Variants in LAMA1 observed in about 807,000 individuals in gnomAD.
LAMA1 encodes laminin subunit alpha-1.
In LAMA1, 219 loss-of-function variants were observed where a neutral mutation model predicts 348.7. The observed-to-expected ratio is 0.63, with a 90% confidence interval of 0.56 to 0.70. The LOEUF is 0.70. Ranked by LOEUF, LAMA1 falls within the 30% of genes least tolerant of loss-of-function variation. The pLI, the probability that LAMA1 is intolerant of heterozygous loss-of-function variation, is 0.00. For missense variants in LAMA1, 3,744 were observed against 3,888.0 expected (o/e 0.96, Z 0.99); for synonymous variants, 1,487 against 1,491.0 (o/e 1.00, Z 0.06).
At chr18:7,078,463 GCTCTTTT>G (rs1203693013) in intron 3 of LAMA1, among the ~76,000 whole-genome samples, 1 of 152,036 alleles carries the variant, frequency 6.6e-6, no homozygotes, top group East Asian at 2.0e-4. Context: ...ACCGCACCTG[GCTCTTTT>G]CTCTTTTTCT....
intron 20 of LAMA1, 80 bp from the exon 21 acceptor site, chr18:7,016,751 A>C: frequency 3.2e-6 from 4 of 1,232,526 alleles, no homozygotes; most frequent in Non-Finnish European, 4.5e-6. Context: ...GTTCCAGAAC[A>C]CACACAGGGT....
intron 37 of LAMA1, 80 bp from the exon 38 acceptor site, chr18:6,985,723 G>C: frequency 2.3e-6 from 2 of 858,486 alleles, no homozygotes; most frequent in Non-Finnish European, 4.0e-6. Flanking sequence ...GCTACGTGCA[G>C]AAGTTAGTGC....
At chr18:7,055,062 G>C (rs74626100) in intron 3 of LAMA1, among the ~76,000 whole-genome samples, 5 of 151,770 alleles carry the variant, frequency 3.3e-5, no homozygotes, top group African/African-American at 1.2e-4. Flanking sequence ...TGGATTTTTT[G>C]ACTGCCTTGG....
chr18:7,113,614 C>T (rs970125590), intron 1 of LAMA1, among the ~76,000 whole-genome samples: 13 of 152,020 alleles, frequency 8.6e-5, no homozygotes, highest in African/African-American at 2.7e-4. Context: ...AGAGTAGGAG[C>T]GGTTATCGAG....
chr18:7,083,824 A>C (rs1271499742), intron 1 of LAMA1, among the ~76,000 whole-genome samples: 1 of 152,096 alleles, frequency 6.6e-6, no homozygotes, highest in Non-Finnish European at 1.5e-5. Context: ...TAATCCCAGC[A>C]CTTCGGGAGG....
Position 7,012,070 on chromosome 18 carries a change from G to C in LAMA1, c.3432C>G (p.Pro1144=), listed in dbSNP as rs753520928. 1.2e-6 allele frequency: 2 copies of C among 1,613,044 alleles called. No homozygotes were observed. The highest frequency in any genetic ancestry group is 1.7e-6 in the Non-Finnish European group (2 of 1,179,562). The change falls in exon 24 of 63, where the codon CCC becomes CCG. Residue 1144 remains proline (P), a synonymous_variant. Coordinates refer to ENST00000389658, the MANE Select transcript of LAMA1 (RefSeq NM_005559.4). ...EGTFALRADN[P]LGCSPCFCSG... ...AGCAGAAGCACGGGCTGCAGCCCAG[G>C]GGGTTGTCTGCGCGGAGAGCGAAGG...
rs1016002616 is a variant in LAMA1, at chr18:6,941,829, C to T, written c.*250G>A. ...ACTATCAAGTAATCAACAGAACATT[C>T]AATGTGTATAAAGATTTTTTTAAAA... On this transcript the variant is annotated 3_prime_UTR_variant, in exon 63 of 63. Coordinates refer to ENST00000389658, the MANE Select transcript of LAMA1 (RefSeq NM_005559.4). The T allele has an allele frequency of 4.0e-6, 2 of 495,084 alleles. No individual in the cohort carries two copies. Among genetic ancestry groups the T allele is most frequent in the Non-Finnish European group, 7.3e-6 (2 of 274,282 alleles). 30.7% of individuals were successfully genotyped at this position (495,084 alleles called of 1,614,324 possible). A position where few individuals can be genotyped will look rare whatever the true frequency, so the allele number is the denominator to read the frequency against.
At chr18:7,000,244 A>G (rs1324194957) in intron 30 of LAMA1, among the ~76,000 whole-genome samples, 1 of 152,270 alleles carries the variant, frequency 6.6e-6, no homozygotes, top group Non-Finnish European at 1.5e-5. Flanking sequence ...GTGAATGTTA[A>G]GTGGAAGAAG....
chr18:7,056,588 A>G (rs1179785802), intron 3 of LAMA1, among the ~76,000 whole-genome samples: 1 of 152,182 alleles, frequency 6.6e-6, no homozygotes, highest in African/African-American at 2.4e-5. Flanking sequence ...AGAGCCCTTC[A>G]GCCACCCTGC....
chr18:7,035,359 C>G (rs1444186754), intron 13 of LAMA1, among the ~76,000 whole-genome samples: 4 of 152,090 alleles, frequency 2.6e-5, no homozygotes, highest in Non-Finnish European at 5.9e-5. Flanking sequence ...CAAAGTGGCA[C>G]AGGGAAGAAG....
At chr18:6,975,254 C>T (rs950098307) in intron 45 of LAMA1, among the ~76,000 whole-genome samples, 6 of 152,306 alleles carry the variant, frequency 3.9e-5, no homozygotes, top group Admixed American at 1.3e-4. Flanking sequence ...CGCCTCCCTG[C>T]GTGCCTGGCA....
rs531498406 is a variant in LAMA1, at chr18:7,037,574, G to C, written c.1737+4C>G. 1.9e-6 allele frequency: 3 copies of C among 1,613,714 alleles called. No individual in the cohort carries two copies. Among genetic ancestry groups the C allele is most frequent in the South Asian group, 2.2e-5 (2 of 91,048 alleles). ...GACATCGCTACCTGCAGGGTCACACGCACCTTATTTCCAAGGTAGGCCTCG... is the reference window on the plus strand; with the variant it reads ...GACATCGCTACCTGCAGGGTCACACCCACCTTATTTCCAAGGTAGGCCTCG... On this transcript the variant is annotated splice_donor_region_variant and intron_variant, in intron 12 of 62. Transcript: ENST00000389658.
At chr18:7,038,517 A>G in intron 11 of LAMA1, 1 of 447,596 alleles carries the variant, frequency 2.2e-6, no homozygotes, top group South Asian at 2.1e-5. Context: ...GCGGAGGGAG[A>G]GCCGACCTCC....
chr18:6,944,045 C>T (rs961061914), intron 61 of LAMA1, among the ~76,000 whole-genome samples: 32 of 152,030 alleles, frequency 2.1e-4, no homozygotes, highest in Admixed American at 5.9e-4. Context: ...GATGGAGCTT[C>T]GCTCCTGTTG....
intron 3 of LAMA1, among the ~76,000 whole-genome samples, chr18:7,070,946 T>C (rs1481013437): frequency 6.7e-6 from 1 of 148,848 alleles, no homozygotes; most frequent in Non-Finnish European, 1.5e-5. Flanking sequence ...CCCAATTCTA[T>C]CAGCCACTGC....
chr18:6,968,557 G>A (rs909188452), intron 48 of LAMA1, among the ~76,000 whole-genome samples: 1 of 152,326 alleles, frequency 6.6e-6, no homozygotes, highest in African/African-American at 2.4e-5. Context: ...ACTGACTCGT[G>A]TCAAAGGCCA....
intron 53 of LAMA1, 135 bp from the exon 54 acceptor site, chr18:6,959,627 G>T (rs2057597946): frequency 1.1e-6 from 1 of 876,274 alleles, no homozygotes. Flanking sequence ...CTCTTCAGCT[G>T]TCACAATGTT....
At chr18:7,068,515 G>A (rs59026897) in intron 3 of LAMA1, among the ~76,000 whole-genome samples, 7,028 of 152,162 alleles carry the variant, frequency 0.046, 545 homozygotes, top group African/African-American at 0.16. Flanking sequence ...TGGAGCAAAA[G>A]GTCACCCCTG....
chr18:6,956,413 G>A lies in LAMA1; in HGVS notation c.8094+223C>T, dbSNP rs775005560. 13 of 711,812 alleles carry A rather than the reference G, an allele frequency of 1.8e-5. No individual in the cohort carries two copies. The East Asian group carries it at 3.0e-4, about 17-fold the overall frequency. The allele number at this position is 711,812 out of a possible 1,614,324, so 44.1% of individuals were successfully genotyped here. A position where few individuals can be genotyped will look rare whatever the true frequency, so the allele number is the denominator to read the frequency against. ...TATACATCAGCCCAATGCGCGGCCTGGGTGTTGGGGCCTACAATCTATGGA... is the reference window on the plus strand; with the variant it reads ...TATACATCAGCCCAATGCGCGGCCTAGGTGTTGGGGCCTACAATCTATGGA... On this transcript the variant is annotated intron_variant, in intron 56 of 62. Transcript: ENST00000389658.
Sources: gnomAD v4.1 joint callset for allele counts (sites outside exome capture counted in the v4.1 genomes callset) on GRCh38, gnomAD v4.1.1 for gene constraint, MANE v1.5 for transcripts, NCBI Gene and HGNC (gene_info 2026-07-23, HGNC 2026-07-21) for gene names.